TMTC4: variants seen among roughly 807,000 people sequenced by gnomAD.
TMTC4 encodes transmembrane O-mannosyltransferase targeting cadherins 4, also known as protein O-mannosyl-transferase TMTC4.
Under a neutral mutation model 86.0 loss-of-function variants are expected in TMTC4, and 65 were observed. The observed-to-expected ratio is 0.76, with a 90% CI of 0.62 to 0.93. The LOEUF is 0.93. TMTC4 is among the 40% of genes least tolerant of loss of function. The probability of loss-of-function intolerance (pLI) is 0.00; values close to 1 mark genes in which losing one functional copy is unlikely to be tolerated. For synonymous variants in TMTC4, 379 were observed against 382.5 expected, an observed-to-expected ratio of 0.99 and a Z score of 0.11; for missense variants, 866 against 948.1, an observed-to-expected ratio of 0.91 and a Z score of 1.14.
rs745953750 is a variant in TMTC4 at position 100,606,408 on chromosome 13, A to C, written c.2084T>G (p.Leu695Arg). Residue 695 changes from leucine (L) to arginine (R), a missense_variant, in exon 18 of 19, where the codon CTC (leucine) becomes CGC (arginine). Physicochemically the swap from Leu to Arg is moderately radical, Grantham distance 102. Coordinates refer to ENST00000342624, the MANE Select transcript of TMTC4 (RefSeq NM_032813.5). ...ATTTGGATTTGCTTTAATTGCCTTG[A>C]GGAATAAAGCTTCAGATTCCTAAAA... Reference protein sequence around the residue: ...QKYKESEALFLKAIKANPNAA... With the variant: ...QKYKESEALFRKAIKANPNAA... 7 of 1,613,216 alleles carry C rather than the reference A, an allele frequency of 4.3e-6. No homozygotes were observed. The South Asian group carries it at 7.7e-5, about 18-fold the overall frequency.
intron 6 of TMTC4, among the ~76,000 whole-genome samples, chr13:100,655,105 T>A (rs1011347994): frequency 1.4e-5 from 2 of 143,052 alleles, no homozygotes; most frequent in African/African-American, 2.6e-5. Context: ...CACTGCAGCC[T>A]CCGCCTCCCG....
At chr13:100,669,129 T>TA (rs1187486538) in intron 2 of TMTC4, among the ~76,000 whole-genome samples, 5 of 151,438 alleles carry the variant, frequency 3.3e-5, no homozygotes, top group African/African-American at 1.2e-4. Flanking sequence ...TTACAAAGCT[T>TA]AAAAAAAAAG....
At chr13:100,618,330 T>C (rs1878837803) in intron 15 of TMTC4, among the ~76,000 whole-genome samples, 2 of 152,150 alleles carry the variant, frequency 1.3e-5, no homozygotes, top group African/African-American at 4.8e-5. Flanking sequence ...CTTTTATTTA[T>C]TTTTCTTGCC....
chr13:100,662,906 T>G, intron 5 of TMTC4, 58 bp downstream of exon 5: 1 of 1,583,986 alleles, frequency 6.3e-7, no homozygotes, highest in Non-Finnish European at 8.6e-7. Context: ...CCAGGCGACA[T>G]GGGGGTGTCA....
intron 5 of TMTC4, among the ~76,000 whole-genome samples, chr13:100,657,972 C>G (rs940496928): frequency 2.6e-5 from 4 of 152,038 alleles, no homozygotes; most frequent in Non-Finnish European, 4.4e-5. Flanking sequence ...GATAAATCCA[C>G]CCAGTGAACA....
chr13:100,670,241 C>A, intron 2 of TMTC4, 119 bp downstream of exon 2: 2 of 1,146,292 alleles, frequency 1.7e-6, no homozygotes, highest in South Asian at 3.2e-5. Flanking sequence ...AAGTGGATAC[C>A]CCAGATTATG....
intron 5 of TMTC4, among the ~76,000 whole-genome samples, chr13:100,662,591 C>A (rs1885912576): frequency 6.6e-6 from 1 of 152,120 alleles, no homozygotes; most frequent in Admixed American, 6.5e-5. Context: ...AGTTCTTAGC[C>A]TCTGAACTTT....
At position 100,637,568 on chromosome 13, in the gene TMTC4, C is replaced by G. The variant is rs549593733; in HGVS notation, c.969G>C (p.Pro323=). Residue 323 remains proline, a synonymous_variant, in exon 9 of 19, where the codon CCG becomes CCC. Coordinates refer to ENST00000342624, the MANE Select transcript of TMTC4 (RefSeq NM_032813.5). ...CCAGCATGCTGTCAGCAAAGGAGGCCGGGTTGTCCACCTCGGTGAAGGCCG... is the reference window on the plus strand; with the variant it reads ...CCAGCATGCTGTCAGCAAAGGAGGCGGGGTTGTCCACCTCGGTGAAGGCCG... ...GPPAFTEVDN[P]ASFADSMLVR... 4 of 1,614,028 alleles carry G rather than the reference C, an allele frequency of 2.5e-6. No individual in the cohort carries two copies. The highest frequency in any genetic ancestry group is 1.1e-5 in the South Asian group (1 of 91,066).
chr13:100,610,778 T>C lies in TMTC4; in HGVS notation c.2064+1620A>G, dbSNP rs140932837. ...GATGACAGAAAAATCAATACAACGATTATATAAGCCAAGTCTTCAAGAAGA... is the reference window on the plus strand; with the variant it reads ...GATGACAGAAAAATCAATACAACGACTATATAAGCCAAGTCTTCAAGAAGA... On this transcript the variant is annotated intron_variant, in intron 17 of 18. Transcript: ENST00000342624. 1.3e-3 allele frequency among the ~76,000 whole-genome samples: 195 copies of C among 152,248 alleles called. 1 individual carries two copies. The highest frequency in any genetic ancestry group is 4.4e-3 in the African/African-American group (181 of 41,530).
At chr13:100,626,364 A>C (rs1880544921) in intron 12 of TMTC4, among the ~76,000 whole-genome samples, 2 of 152,226 alleles carry the variant, frequency 1.3e-5, no homozygotes, top group African/African-American at 2.4e-5. Context: ...TATAGGCATG[A>C]TACATCTCTA....
rs35563246 is a variant in TMTC4 at position 100,656,542 on chromosome 13, C to CTTTTTTTTTTTTTTTTTTTTTTT, written c.553-75_553-74insAAAAAAAAAAAAAAAAAAAAAAA. On this transcript the variant is annotated intron_variant, in intron 5 of 18. Coordinates refer to ENST00000342624, the MANE Select transcript of TMTC4 (RefSeq NM_032813.5). ...GAAATCCTAAACTTAGGAGACATAA[C>CTTTTTTTTTTTTTTTTTTTTTTT]TTTTTTTTTTTTTTTTTTGCGACAG... is the stretch of plus-strand genomic sequence containing the variant. 51 of 385,936 alleles carry CTTTTTTTTTTTTTTTTTTTTTTT rather than the reference C, an allele frequency of 1.3e-4. 9 individuals carry two copies. Among genetic ancestry groups the CTTTTTTTTTTTTTTTTTTTTTTT allele is most frequent in the Admixed American group, 8.1e-4 (12 of 14,832 alleles). The allele number at this position is 385,936 out of a possible 1,614,324, so 23.9% of individuals were successfully genotyped here.
intron 16 of TMTC4, among the ~76,000 whole-genome samples, chr13:100,613,339 T>A (rs1159126664): frequency 3.9e-5 from 6 of 152,246 alleles, no homozygotes; most frequent in Admixed American, 3.9e-4. Flanking sequence ...TTTGCCTTTC[T>A]GTGCCTAACA....
chr13:100,622,919 T>A (rs1594260311), intron 15 of TMTC4, among the ~76,000 whole-genome samples: 1 of 152,212 alleles, frequency 6.6e-6, no homozygotes, highest in Non-Finnish European at 1.5e-5. Flanking sequence ...CATTTTACCA[T>A]TAGTTAGCCA....
chr13:100,630,039 G>A (rs201093301), intron 12 of TMTC4, among the ~76,000 whole-genome samples: 36,938 of 150,894 alleles, frequency 0.24, 5,241 homozygotes, highest in Middle Eastern at 0.34. Flanking sequence ...GTGTGTGTGT[G>A]TGTGTGTGTG....
intron 5 of TMTC4, among the ~76,000 whole-genome samples, chr13:100,657,896 A>G (rs1165416503): frequency 1.3e-5 from 2 of 151,864 alleles, no homozygotes; most frequent in African/African-American, 4.8e-5. Flanking sequence ...TGTAACTGTG[A>G]CCTCCTGATG....
At chr13:100,642,161 G>C (rs962763161) in intron 7 of TMTC4, 50 bp downstream of exon 7, 1 of 1,592,522 alleles carries the variant, frequency 6.3e-7, no homozygotes, top group African/African-American at 1.3e-5. Flanking sequence ...TTTATAGGAG[G>C]GAAAAGGACA....
intron 6 of TMTC4, among the ~76,000 whole-genome samples, chr13:100,649,673 C>T (rs1430372666): frequency 1.3e-5 from 2 of 152,138 alleles, no homozygotes; most frequent in Middle Eastern, 3.4e-3. Flanking sequence ...TGGACAAATA[C>T]TGCCAGAATT....
At chr13:100,617,127 ATT>A (rs35707709) in intron 15 of TMTC4, among the ~76,000 whole-genome samples, 1 of 147,796 alleles carries the variant, frequency 6.8e-6, no homozygotes, top group Admixed American at 6.7e-5. Context: ...TTCTTCTAGG[ATT>A]TTTTTTTTTT....
chr13:100,634,957 G>C lies in TMTC4; in HGVS notation c.1375-21C>G, dbSNP rs778286395. 4 of 1,612,782 alleles carry C rather than the reference G, an allele frequency of 2.5e-6. No homozygotes were observed. In the Admixed American group the frequency reaches 6.7e-5, roughly 27 times the overall value. Reference sequence around the variant, plus strand: ...AGTTTCTTAAGAACAGAAAGACATGGTAATTGTCACCAGTGAGATGCATCC... The same window carrying C: ...AGTTTCTTAAGAACAGAAAGACATGCTAATTGTCACCAGTGAGATGCATCC... On this transcript the variant is annotated intron_variant, in intron 11 of 18. Coordinates refer to ENST00000342624, the MANE Select transcript of TMTC4 (RefSeq NM_032813.5).
Sources: gnomAD v4.1 joint callset for allele counts (sites outside exome capture counted in the v4.1 genomes callset) on GRCh38, gnomAD v4.1.1 for gene constraint, MANE v1.5 for transcripts, NCBI Gene and HGNC (gene_info 2026-07-23, HGNC 2026-07-21) for gene names.